Variants in CNTN1 observed in about 807,000 individuals in gnomAD.
CNTN1 encodes the protein contactin 1.
A neutral mutation model predicts 126.4 loss-of-function variants in CNTN1; 38 were observed. The observed-to-expected ratio is 0.30, with a 90% CI of 0.23 to 0.39. The LOEUF (loss-of-function observed/expected upper bound fraction) is 0.39, where lower values mean the gene tolerates loss of function less well. Ranked by LOEUF, CNTN1 falls within the 10% of genes least tolerant of loss-of-function variation. The pLI, the probability that CNTN1 is intolerant of heterozygous loss-of-function variation, is 1.00. For synonymous variants in CNTN1, 413 were observed against 422.6 expected (o/e 0.98, Z 0.28); for missense variants, 1,009 against 1,248.4 (o/e 0.81, Z 2.89).
intron 1 of CNTN1, among the ~76,000 whole-genome samples, chr12:40,906,163 C>A (rs1040367619): frequency 6.6e-6 from 1 of 151,896 alleles, no homozygotes; most frequent in Non-Finnish European, 1.5e-5. Context: ...CCCAGCTACT[C>A]GGGAGGCTGA....
chr12:40,696,046 C>T (rs942485903), intron 1 of CNTN1, among the ~76,000 whole-genome samples: 2 of 152,214 alleles, frequency 1.3e-5, no homozygotes, highest in African/African-American at 2.4e-5. Context: ...ATAGCACTTA[C>T]GTGAGAGGAT....
intron 1 of CNTN1, among the ~76,000 whole-genome samples, chr12:40,877,125 A>G (rs1325775656): frequency 2.0e-5 from 3 of 152,094 alleles, no homozygotes; most frequent in Admixed American, 6.6e-5. Flanking sequence ...CCCTTCGACA[A>G]CTGTCACCAT....
intron 1 of CNTN1, among the ~76,000 whole-genome samples, chr12:40,797,011 C>T (rs113243994): frequency 6.6e-6 from 1 of 152,070 alleles, no homozygotes; most frequent in Non-Finnish European, 1.5e-5. Context: ...ATTAGTTCAA[C>T]CCTCTCACAG....
rs1472172694 is a variant in CNTN1, at chr12:40,922,215, C to G, written c.228-41C>G. 2.5e-6 allele frequency: 4 copies of G among 1,583,680 alleles called. No homozygotes were observed. In the South Asian group the frequency reaches 3.3e-5, roughly 13 times the overall value. On this transcript the variant is annotated intron_variant, in intron 4 of 23. Coordinates refer to ENST00000551295, the MANE Select transcript of CNTN1 (RefSeq NM_001843.4). ...TGTTAGCTCCGTAGAGTTTCTAGGT[C>G]TCATGACCTGTGATATGACCTTTGT... is the stretch of plus-strand genomic sequence containing the variant.
At chr12:40,711,702 A>C in intron 1 of CNTN1, among the ~76,000 whole-genome samples, 2 of 147,904 alleles carry the variant, frequency 1.4e-5, no homozygotes, top group African/African-American at 2.5e-5. Context: ...TCCTCTTCCT[A>C]CTCTTCCACC....
intron 1 of CNTN1, among the ~76,000 whole-genome samples, chr12:40,697,098 A>G (rs946521693): frequency 2.6e-5 from 4 of 152,152 alleles, no homozygotes; most frequent in African/African-American, 9.7e-5. Context: ...GTATACATTA[A>G]TATTTGCATT....
intron 1 of CNTN1, among the ~76,000 whole-genome samples, chr12:40,715,517 A>G (rs1051959594): frequency 1.3e-5 from 2 of 152,150 alleles, no homozygotes; most frequent in Non-Finnish European, 2.9e-5. Context: ...CTTGATATTA[A>G]AAAACAACTA....
chr12:40,743,788 T>C (rs919291597), intron 1 of CNTN1, among the ~76,000 whole-genome samples: 3 of 152,144 alleles, frequency 2.0e-5, no homozygotes. Context: ...TTCTTTAGTT[T>C]AATTAAGTCC....
At chr12:40,816,804 A>G (rs549062924) in intron 1 of CNTN1, among the ~76,000 whole-genome samples, 2 of 152,122 alleles carry the variant, frequency 1.3e-5, no homozygotes, top group East Asian at 3.9e-4. Context: ...CCCTCTTAAC[A>G]CTGCCATAGC....
chr12:40,742,414 T>C (rs1937982725), intron 1 of CNTN1: 1 of 152,130 alleles, frequency 6.6e-6, no homozygotes, highest in African/African-American at 2.4e-5. Context: ...TGCAGAGAAT[T>C]CTATCCAAAT....
intron 14 of CNTN1, among the ~76,000 whole-genome samples, chr12:40,949,569 C>CTTTTTTTTTT (rs36070275): frequency 3.9e-4 from 25 of 64,348 alleles, no homozygotes; most frequent in Non-Finnish European, 5.1e-4. Flanking sequence ...TCTTTTCTTT[C>CTTTTTTTTTT]TTTTTTTTTT....
chr12:40,719,725 C>T (rs986185830), intron 1 of CNTN1, among the ~76,000 whole-genome samples: 4 of 152,124 alleles, frequency 2.6e-5, no homozygotes, highest in East Asian at 1.9e-4. Context: ...TCTTAGACAA[C>T]GAAGCAAATA....
chr12:40,737,285 A>ATGTGTGTG lies in CNTN1; in HGVS notation c.-77+44707_-77+44714dup, dbSNP rs34925321. 1.9e-3 allele frequency among the ~76,000 whole-genome samples: 273 copies of ATGTGTGTG among 141,166 alleles called. 3 individuals carry two copies. In the East Asian group the frequency reaches 0.02, roughly 10 times the overall value. 92.6% of individuals were successfully genotyped at this position (141,166 alleles called of 152,430 possible). A position where few individuals can be genotyped will look rare whatever the true frequency, so the allele number is the denominator to read the frequency against. ...GAGGGACAGAACTAATAGGATATAT[A>ATGTGTGTG]TGTGTGTGTGTGTGTGTGTGTATAT... On this transcript the variant is annotated intron_variant, in intron 1 of 23. Transcript: ENST00000551295.
chr12:40,756,337 T>C (rs1056594413), intron 1 of CNTN1, among the ~76,000 whole-genome samples: 26 of 151,774 alleles, frequency 1.7e-4, no homozygotes, highest in African/African-American at 6.1e-4. Context: ...GTGCTAGAAA[T>C]TGAGATTATA....
chr12:40,917,985 G>A (rs888788094), intron 3 of CNTN1, among the ~76,000 whole-genome samples: 1 of 152,150 alleles, frequency 6.6e-6, no homozygotes, highest in Non-Finnish European at 1.5e-5. Context: ...TCAGAAAAGA[G>A]ACTGATTTTC....
chr12:40,728,247 A>T (rs1399340181), intron 1 of CNTN1, among the ~76,000 whole-genome samples: 1 of 152,164 alleles, frequency 6.6e-6, no homozygotes, highest in Non-Finnish European at 1.5e-5. Context: ...CAGGCAGTTT[A>T]GATCTGTGCA....
intron 7 of CNTN1, among the ~76,000 whole-genome samples, chr12:40,931,047 C>T (rs1453539542): frequency 6.6e-6 from 1 of 151,908 alleles, no homozygotes; most frequent in South Asian, 2.1e-4. Context: ...TTTCTCCCCT[C>T]GCTCAAGCTA....
intron 1 of CNTN1, among the ~76,000 whole-genome samples, chr12:40,899,095 G>C (rs1290080030): frequency 6.6e-6 from 1 of 152,180 alleles, no homozygotes; most frequent in Non-Finnish European, 1.5e-5. Context: ...TCTTGGATCT[G>C]GCACTATTTC....
intron 1 of CNTN1, among the ~76,000 whole-genome samples, chr12:40,838,416 C>T (rs1420962939): frequency 6.6e-6 from 1 of 152,216 alleles, no homozygotes; most frequent in East Asian, 1.9e-4. Flanking sequence ...TATCTGAACA[C>T]CCACTTGGCC....
Sources: gnomAD v4.1 joint callset for allele counts (sites outside exome capture counted in the v4.1 genomes callset) on GRCh38, gnomAD v4.1.1 for gene constraint, MANE v1.5 for transcripts, NCBI Gene and HGNC (gene_info 2026-07-23, HGNC 2026-07-21) for gene names.